Variants in PPARGC1A observed in about 807,000 individuals in gnomAD.
PPARGC1A encodes the protein peroxisome proliferator-activated receptor gamma coactivator 1-alpha.
Under a neutral mutation model 88.7 loss-of-function variants are expected in PPARGC1A, and 25 were observed. The ratio of observed to expected loss-of-function variants is 0.28; its 90% CI spans 0.21 to 0.39. The LOEUF (loss-of-function observed/expected upper bound fraction) is 0.39, where lower values mean the gene tolerates loss of function less well. PPARGC1A is among the 10% of genes least tolerant of loss of function. PPARGC1A has a pLI of 1.00. For missense variants in PPARGC1A, 880 were observed against 968.7 expected, an observed-to-expected ratio of 0.91 and a Z score of 1.22; for synonymous variants, 363 against 355.6, an observed-to-expected ratio of 1.02 and a Z score of -0.24.
chr4:23,854,615 C>T (rs975996720), intron 2 of PPARGC1A, among the ~76,000 whole-genome samples: 1 of 152,104 alleles, frequency 6.6e-6, no homozygotes, highest in African/African-American at 2.4e-5. Context: ...ATGAAGATGG[C>T]CTTGTCCCAC....
At chr4:24,436,804 G>A in the PPARGC1A span, among the ~76,000 whole-genome samples, 1 of 147,948 alleles carries the variant, frequency 6.8e-6, no homozygotes, top group East Asian at 2.0e-4. Flanking sequence ...ACATCGGTTG[G>A]CCACCCCAGA....
chr4:23,930,532 T>A, the PPARGC1A span, among the ~76,000 whole-genome samples: 1 of 152,090 alleles, frequency 6.6e-6, no homozygotes, highest in Non-Finnish European at 1.5e-5. Context: ...TTACAAGGTA[T>A]AAAAAAAGGT....
the PPARGC1A span, among the ~76,000 whole-genome samples, chr4:24,321,924 C>T: frequency 7.9e-5 from 12 of 152,168 alleles, no homozygotes; most frequent in Non-Finnish European, 1.5e-4. Context: ...AAGAAATAAT[C>T]GGCCTCTGAC....
chr4:24,388,035 C>A, the PPARGC1A span, among the ~76,000 whole-genome samples: 1 of 151,104 alleles, frequency 6.6e-6, no homozygotes, highest in Non-Finnish European at 1.5e-5. Flanking sequence ...AAGAAACTAT[C>A]ATCAGAGTGA....
the PPARGC1A span, among the ~76,000 whole-genome samples, chr4:24,466,077 A>C: frequency 1.3e-5 from 2 of 152,144 alleles, no homozygotes; most frequent in African/African-American, 4.8e-5. Flanking sequence ...CTAAACCATA[A>C]TTATTCTGTT....
the PPARGC1A span, among the ~76,000 whole-genome samples, chr4:24,223,937 A>G: frequency 2.6e-5 from 4 of 152,364 alleles, no homozygotes; most frequent in African/African-American, 4.8e-5. Flanking sequence ...TAAGAAAGAA[A>G]GAAATATCCC....
At chr4:24,255,740 A>C in the PPARGC1A span, among the ~76,000 whole-genome samples, 2 of 152,238 alleles carry the variant, frequency 1.3e-5, no homozygotes, top group Admixed American at 6.5e-5. Context: ...AGTAAGAGTT[A>C]GGAAAACAAA....
At chr4:24,128,123 G>C in the PPARGC1A span, among the ~76,000 whole-genome samples, 1 of 152,098 alleles carries the variant, frequency 6.6e-6, no homozygotes, top group South Asian at 2.1e-4. Context: ...AAGGTCCAGG[G>C]CTGCTGCTTC....
the PPARGC1A span, among the ~76,000 whole-genome samples, chr4:24,333,257 A>C: frequency 6.6e-6 from 1 of 152,146 alleles, no homozygotes; most frequent in African/African-American, 2.4e-5. Flanking sequence ...AGAAAAAAAA[A>C]AGTGTAATAG....
the PPARGC1A span, among the ~76,000 whole-genome samples, chr4:23,916,384 A>C: frequency 4.1e-4 from 62 of 152,324 alleles, no homozygotes; most frequent in East Asian, 0.011. Context: ...AGAAAGGAGA[A>C]AGTAAAATCC....
chr4:23,854,813 A>G (rs1269750944), intron 2 of PPARGC1A, among the ~76,000 whole-genome samples: 1 of 152,104 alleles, frequency 6.6e-6, no homozygotes, highest in Non-Finnish European at 1.5e-5. Context: ...TCCCAGATGG[A>G]TGAATGAGAA....
At chr4:24,194,970 A>G in the PPARGC1A span, among the ~76,000 whole-genome samples, 1 of 152,216 alleles carries the variant, frequency 6.6e-6, no homozygotes, top group Non-Finnish European at 1.5e-5. Flanking sequence ...CCTGGCTTAT[A>G]ATAGTAGACA....
intron 2 of PPARGC1A, among the ~76,000 whole-genome samples, chr4:23,841,470 C>T (rs1727040780): frequency 6.6e-6 from 1 of 151,816 alleles, no homozygotes; most frequent in Non-Finnish European, 1.5e-5. Context: ...TAATTCATAG[C>T]CAAAAGAAGT....
chr4:23,841,222 C>G (rs1188798032), intron 2 of PPARGC1A, among the ~76,000 whole-genome samples: 1 of 152,028 alleles, frequency 6.6e-6, no homozygotes, highest in Non-Finnish European at 1.5e-5. Flanking sequence ...TACTCTCTGA[C>G]CATGCAGGAG....
intron 3 of PPARGC1A, among the ~76,000 whole-genome samples, chr4:23,830,389 A>G (rs1724787299): frequency 6.6e-6 from 1 of 152,190 alleles, no homozygotes; most frequent in African/African-American, 2.4e-5. Flanking sequence ...GACATACAGT[A>G]TGTCTCTGAG....
At chr4:24,393,013 G>GCACACA in the PPARGC1A span, among the ~76,000 whole-genome samples, 9 of 145,984 alleles carry the variant, frequency 6.2e-5, no homozygotes, top group African/African-American at 2.1e-4. Flanking sequence ...TGCTCCATCA[G>GCACACA]CACACACACA....
At chr4:24,099,024 G>T in the PPARGC1A span, among the ~76,000 whole-genome samples, 1 of 152,010 alleles carries the variant, frequency 6.6e-6, no homozygotes, top group Non-Finnish European at 1.5e-5. Flanking sequence ...TCCTGACTTT[G>T]TGATATGCTG....
the PPARGC1A span, among the ~76,000 whole-genome samples, chr4:24,019,639 C>T: frequency 2.0e-5 from 3 of 152,324 alleles, no homozygotes; most frequent in African/African-American, 7.2e-5. Flanking sequence ...CTTACCAACA[C>T]CACCAACACA....
At chr4:24,444,857 C>G in the PPARGC1A span, among the ~76,000 whole-genome samples, 83,926 of 151,876 alleles carry the variant, frequency 0.55, 23,581 homozygotes, top group South Asian at 0.7. Flanking sequence ...GGTTTGAGAC[C>G]AGCCTGAGCA....
Sources: allele counts gnomAD v4.1 joint callset (sites outside exome capture counted in the v4.1 genomes callset), GRCh38; gene constraint gnomAD v4.1.1; transcripts MANE v1.5; gene names NCBI Gene and HGNC (gene_info 2026-07-23, HGNC 2026-07-21).